The following PRDM16 variants were observed in gnomAD, a reference collection of about 807,000 sequenced individuals.
PRDM16 encodes histone-lysine N-methyltransferase PRDM16.
Under a neutral mutation model 110.6 loss-of-function variants are expected in PRDM16, and 23 were observed. The observed-to-expected ratio is 0.21, with a 90% CI of 0.15 to 0.29. The LOEUF (loss-of-function observed/expected upper bound fraction) is 0.29, where lower values mean the gene tolerates loss of function less well. PRDM16 is among the 10% of genes least tolerant of loss of function. The probability of loss-of-function intolerance (pLI) is 1.00; values close to 1 mark genes in which losing one functional copy is unlikely to be tolerated. For synonymous variants in PRDM16, 799 were observed against 781.8 expected (o/e 1.02, Z -0.37); for missense variants, 1,615 against 1,794.3 (o/e 0.90, Z 1.81).
intron 4 of PRDM16, among the ~76,000 whole-genome samples, chr1:3,385,947 A>G (rs1219229184): frequency 6.6e-6 from 1 of 152,246 alleles, no homozygotes; most frequent in Non-Finnish European, 1.5e-5. Flanking sequence ...ACAGGCATCC[A>G]GACCCACAGG....
intron 2 of PRDM16, among the ~76,000 whole-genome samples, chr1:3,189,268 C>T (rs1280481381): frequency 6.6e-6 from 1 of 152,252 alleles, no homozygotes; most frequent in East Asian, 1.9e-4. Flanking sequence ...CCCTGCTAGC[C>T]CTTCTCCTCC....
chr1:3,149,920 T>G (rs1292187544), intron 1 of PRDM16, among the ~76,000 whole-genome samples: 8 of 152,170 alleles, frequency 5.3e-5, no homozygotes, highest in African/African-American at 1.9e-4. Context: ...TAGTTCCTGT[T>G]GGGCCTGGAC....
At position 3,255,920 on chromosome 1, in the gene PRDM16, G is replaced by A. The variant is rs1401383530; in HGVS notation, c.438+11783G>A. Among the ~76,000 whole-genome samples, 1 of 151,704 alleles carries A rather than the reference G, an allele frequency of 6.6e-6. No individual in the cohort carries two copies. Among genetic ancestry groups the A allele is most frequent in the African/African-American group, 2.4e-5 (1 of 41,192 alleles). Reference sequence around the variant, plus strand: ...CAACCCCGTGGCCGCACCGACACCTGAAGCCAATCCCGTGGCCACACCAAC... The same window carrying A: ...CAACCCCGTGGCCGCACCGACACCTAAAGCCAATCCCGTGGCCACACCAAC... On this transcript the variant is annotated intron_variant, in intron 3 of 16. Transcript: ENST00000270722. The surrounding 1 kb of genome is among the most constrained non-coding windows in gnomAD (Gnocchi z 4.7).
In PRDM16 at chr1:3,142,011, T is replaced by C. The variant is rs184760911; in HGVS notation, c.38-44114T>C. Among the ~76,000 whole-genome samples the C allele has an allele frequency of 4.8e-4, 73 of 152,372 alleles. No homozygotes were observed. In the Middle Eastern group the frequency reaches 0.01, roughly 21 times the overall value. On this transcript the variant is annotated intron_variant, in intron 1 of 16. Transcript: ENST00000270722. The stretch of plus-strand genomic sequence containing the variant: ...GAAAACGTGGGGCCGCACTGTGCAT[T>C]CGTCAGCCATGGGGTCGCACTCTGG...
At chr1:3,240,756 G>A (rs1219928412) in intron 2 of PRDM16, among the ~76,000 whole-genome samples, 1 of 152,244 alleles carries the variant, frequency 6.6e-6, no homozygotes, top group Non-Finnish European at 1.5e-5. Context: ...AAGCGCCTCT[G>A]CGTACGTGGC....
At chr1:3,367,734 A>G (rs921493406) in intron 3 of PRDM16, among the ~76,000 whole-genome samples, 3 of 152,214 alleles carry the variant, frequency 2.0e-5, no homozygotes, top group Non-Finnish European at 4.4e-5. Flanking sequence ...ACACTTCTGA[A>G]TGTATGTTTT....
chr1:3,069,967 C>T lies in PRDM16; in HGVS notation c.37+671C>T, dbSNP rs1453679222. On this transcript the variant is annotated intron_variant, in intron 1 of 16. Transcript: ENST00000270722. This position sits in a 1 kb window ranked among gnomAD's most constrained non-coding sequence, Gnocchi z 6.1. ...TGGAGACTTTTGCCCGGGCTGGGAA[C>T]TGTGGTCGTGAAGTTTATCCCCGGC... is the stretch of plus-strand genomic sequence containing the variant. Among the ~76,000 whole-genome samples the T allele has an allele frequency of 1.3e-5, 2 of 151,990 alleles. No individual in the cohort carries two copies. The highest frequency in any genetic ancestry group is 4.8e-5 in the African/African-American group (2 of 41,420).
intron 1 of PRDM16, among the ~76,000 whole-genome samples, chr1:3,147,431 A>G (rs1018895776): frequency 6.6e-6 from 1 of 152,076 alleles, no homozygotes; most frequent in Non-Finnish European, 1.5e-5. Flanking sequence ...GCCTCCGACC[A>G]GGTGCCCTGG....
intron 3 of PRDM16, among the ~76,000 whole-genome samples, chr1:3,261,443 A>G (rs905984179): frequency 6.6e-5 from 10 of 152,126 alleles, no homozygotes; most frequent in Non-Finnish European, 1.5e-5. Flanking sequence ...GGCTTCTGAT[A>G]AGCCGCCAAT....
At chr1:3,362,544 C>A (rs1642734185) in intron 3 of PRDM16, among the ~76,000 whole-genome samples, 1 of 152,140 alleles carries the variant, frequency 6.6e-6, no homozygotes, top group Non-Finnish European at 1.5e-5. Flanking sequence ...AGGCCAGGCT[C>A]ACGGTGGGAA....
chr1:3,165,529 TGACTCACCTGGGCTCAGGGACAGG>T (rs1643943368), intron 1 of PRDM16, among the ~76,000 whole-genome samples: 1 of 58,562 alleles, frequency 1.7e-5, no homozygotes, highest in African/African-American at 8.8e-5. Context: ...TCAGGGACAG[TGACTCACCTGGGCTCAGGGACAGG>T]GACTCACCAG....
At chr1:3,417,748 A>G in intron 10 of PRDM16, 80 bp from the exon 11 acceptor site, 1 of 1,216,204 alleles carries the variant, frequency 8.2e-7, no homozygotes, top group East Asian at 2.3e-5. Context: ...ATGCTGTTGT[A>G]CAGAACCCCC....
At chr1:3,113,215 A>G (rs1385283340) in intron 1 of PRDM16, among the ~76,000 whole-genome samples, 2 of 152,186 alleles carry the variant, frequency 1.3e-5, no homozygotes, top group Non-Finnish European at 2.9e-5. Context: ...TTCTCCCCCA[A>G]GCTCTGGTCA....
chr1:3,257,421 CT>C lies in PRDM16; in HGVS notation c.438+13285del, dbSNP rs534927930. Among the ~76,000 whole-genome samples the C allele has an allele frequency of 1.3e-3, 198 of 152,322 alleles. 6 individuals carry two copies. Among genetic ancestry groups the C allele is most frequent in the Admixed American group, 0.012 (176 of 15,298 alleles). ...CTCCAGAGTTCTCTGCTCTCCAACACTGCAACCAGAGAGTCCCAGAGAGCTC... is the reference window on the plus strand; with the variant it reads ...CTCCAGAGTTCTCTGCTCTCCAACACGCAACCAGAGAGTCCCAGAGAGCTC... On this transcript the variant is annotated intron_variant, in intron 3 of 16. Transcript: ENST00000270722.
Position 3,175,152 on chromosome 1 carries a change from AC to A in PRDM16, c.38-10971del. Among the ~76,000 whole-genome samples, 1 of 152,262 alleles carries A rather than the reference AC, an allele frequency of 6.6e-6. No individual in the cohort carries two copies. The highest frequency in any genetic ancestry group is 2.1e-4 in the South Asian group (1 of 4,806). ...GGCGAGGGGAGAAGCTATTGCCTTT[AC>A]CGCACAGTTTTAAAGACAGAAGAAC... On this transcript the variant is annotated intron_variant, in intron 1 of 16. Transcript: ENST00000270722. The surrounding 1 kb of genome is among the most constrained non-coding windows in gnomAD (Gnocchi z 4.8).
At position 3,069,684 on chromosome 1, in the gene PRDM16, G is replaced by A. The variant is rs1338460397; in HGVS notation, c.37+388G>A. 1.3e-5 allele frequency among the ~76,000 whole-genome samples: 2 copies of A among 151,898 alleles called. No individual in the cohort carries two copies. The highest frequency in any genetic ancestry group is 2.4e-5 in the African/African-American group (1 of 41,418). ...AGCGAAAAGTTGACGAAAGGGGAGA[G>A]CAACTTTTTCCTCCCCGCTCGCTCT... On this transcript the variant is annotated intron_variant, in intron 1 of 16. Coordinates refer to ENST00000270722, the MANE Select transcript of PRDM16 (RefSeq NM_022114.4). The surrounding 1 kb of genome is among the most constrained non-coding windows in gnomAD (Gnocchi z 6.1).
At chr1:3,269,791 T>TTGGGAGGA (rs1640391544) in intron 3 of PRDM16, among the ~76,000 whole-genome samples, 2 of 89,718 alleles carry the variant, frequency 2.2e-5, no homozygotes, top group African/African-American at 1.2e-4. Context: ...GAGGAAAGTC[T>TTGGGAGGA]CAGAGGAGGA....
chr1:3,412,751 C>A lies in PRDM16; in HGVS notation c.2554C>A (p.Pro852Thr). Residue 852 changes from proline to threonine, a missense_variant, in exon 9 of 17, where the codon CCG (proline) becomes ACG (threonine). This residue lies in a region of PRDM16 where 772 missense variants were observed against 748.3 expected (regional missense o/e 1.03). Transcript: ENST00000270722. ...CCCGGCGCGGATGCCCCAGCAGCCC[C>A]CGCTCCACTACGCCAAGCCCTCGCC... ...VCPARMPQQP[P>T]LHYAKPSPFF... The A allele has an allele frequency of 6.7e-7, 1 of 1,503,310 alleles. No individual in the cohort carries two copies. Among genetic ancestry groups the A allele is most frequent in the Non-Finnish European group, 8.9e-7 (1 of 1,126,874 alleles). The allele number at this position is 1,503,310 out of a possible 1,614,324, so 93.1% of individuals were successfully genotyped here. A position where few individuals can be genotyped will look rare whatever the true frequency, so the allele number is the denominator to read the frequency against.
rs565648530 is a variant in PRDM16, at chr1:3,427,105, T to C, written c.3284+880T>C. 4.9e-3 allele frequency among the ~76,000 whole-genome samples: 747 copies of C among 152,354 alleles called. 10 individuals are homozygous for C. Among genetic ancestry groups the C allele is most frequent in the African/African-American group, 0.017 (707 of 41,584 alleles). ...ACACATGTACACGCATGGGCGCACG[T>C]GCGTCTAGACACACAGCAGCAGAAC... is the stretch of plus-strand genomic sequence containing the variant. On this transcript the variant is annotated intron_variant, in intron 14 of 16. Coordinates refer to ENST00000270722, the MANE Select transcript of PRDM16 (RefSeq NM_022114.4).
Sources: gnomAD v4.1 joint callset for allele counts (sites outside exome capture counted in the v4.1 genomes callset) on GRCh38, gnomAD v4.1.1 for gene constraint, gnomAD v4.1.1 regional missense constraint, Gnocchi (gnomAD v3.1) non-coding constraint, MANE v1.5 for transcripts, NCBI Gene and HGNC (gene_info 2026-07-23, HGNC 2026-07-21) for gene names.